TTC16: variants seen among roughly 807,000 people sequenced by gnomAD.
The protein encoded by TTC16 is tetratricopeptide repeat protein 16.
A neutral mutation model predicts 80.4 loss-of-function variants in TTC16; 66 were observed. That is an observed-to-expected ratio of 0.82 (90% CI 0.67 to 1.01). TTC16 has a LOEUF of 1.01. Among genes scored for constraint, TTC16 ranks in the 50% least tolerant of loss-of-function variants. The pLI is 0.00. For synonymous variants in TTC16, 438 were observed against 451.3 expected, an observed-to-expected ratio of 0.97 and a Z score of 0.37; for missense variants, 1,070 against 1,103.2, an observed-to-expected ratio of 0.97 and a Z score of 0.43.
Position 127,724,901 on chromosome 9 carries a change from C to T in TTC16, c.1259+4C>T, listed in dbSNP as rs189579012. On this transcript the variant is annotated splice_donor_region_variant and intron_variant, in intron 9 of 13. Coordinates refer to ENST00000373289, the MANE Select transcript of TTC16 (RefSeq NM_144965.3). ...GCTTCTGCGAGCAGAGGCGCAAGTG[C>T]GTGGGCTCCCGCCCCCACGGTGGGC... 9.9e-5 allele frequency: 150 copies of T among 1,512,880 alleles called. 1 individual carries two copies. The East Asian group carries it at 3.1e-3, about 32-fold the overall frequency. The allele number at this position is 1,512,880 out of a possible 1,614,324, so 93.7% of individuals were successfully genotyped here. A position where few individuals can be genotyped will look rare whatever the true frequency, so the allele number is the denominator to read the frequency against.
At chr9:127,725,335 C>T (rs894286226) in intron 9 of TTC16, among the ~76,000 whole-genome samples, 4 of 151,122 alleles carry the variant, frequency 2.6e-5, no homozygotes, top group African/African-American at 4.9e-5. Context: ...GAGGCCGAGG[C>T]GGGCGGATCA....
At chr9:127,727,700 C>A in intron 12 of TTC16, 1 of 773,184 alleles carries the variant, frequency 1.3e-6, no homozygotes, top group Non-Finnish European at 1.9e-6. Context: ...GGAGTCACAG[C>A]CCTGCTCATG....
intron 1 of TTC16, 180 bp downstream of exon 1, chr9:127,716,343 C>T: frequency 1.1e-6 from 1 of 914,270 alleles, no homozygotes; most frequent in Non-Finnish European, 1.7e-6. Flanking sequence ...TCGGCGGCTG[C>T]TTGGACAGAG....
rs1418661105 is a variant in TTC16, at chr9:127,716,166, G to A, written c.18+3G>A. The A allele has an allele frequency of 1.2e-6, 2 of 1,613,968 alleles. No homozygotes were observed. The highest frequency in any genetic ancestry group is 1.7e-6 in the Non-Finnish European group (2 of 1,180,006). ...GCCTCATGACAGATTCGGACGAGGT[G>A]CGGGCTTGGGAGAAGACTAACGCAA... On this transcript the variant is annotated splice_donor_region_variant and intron_variant, in intron 1 of 13. Coordinates refer to ENST00000373289, the MANE Select transcript of TTC16 (RefSeq NM_144965.3).
Position 127,716,999 on chromosome 9 carries a change from C to T in TTC16, c.174C>T (p.Pro58=). The T allele has an allele frequency of 6.2e-7, 1 of 1,613,368 alleles. No individual in the cohort carries two copies. Among genetic ancestry groups the T allele is most frequent in the Non-Finnish European group, 8.5e-7 (1 of 1,179,384 alleles). Reference sequence around the variant, plus strand: ...CAAAGGTCACAGGGTTAACAGTGCCCCTCAAAGTCAGGGAATAGTGAGTGA... The same window carrying T: ...CAAAGGTCACAGGGTTAACAGTGCCTCTCAAAGTCAGGGAATAGTGAGTGA... ...VKPKVTGLTV[P]LKVREYYSRG... The change falls in exon 2 of 14, where the codon CCC becomes CCT. Residue 58 remains proline, a synonymous_variant. Coordinates refer to ENST00000373289, the MANE Select transcript of TTC16 (RefSeq NM_144965.3).
rs376205443 is a variant in TTC16, at chr9:127,723,238, G to C, written c.777G>C (p.Gly259=). The C allele has an allele frequency of 1.2e-6, 2 of 1,612,772 alleles. No homozygotes were observed. The highest frequency in any genetic ancestry group is 1.7e-6 in the Non-Finnish European group (2 of 1,180,036). The change falls in exon 7 of 14, where the codon GGG becomes GGC. Residue 259 remains glycine (G), a synonymous_variant. Coordinates refer to ENST00000373289, the MANE Select transcript of TTC16 (RefSeq NM_144965.3). ...CCCAGCAGGCGCGCCAAGATGCGGG[G>C]ATCCTGGCTGTGCAGGGCAAGCTGC... ...AQAQQARQDA[G]ILAVQGKLQH... is the part of the protein sequence containing the mutation.
intron 4 of TTC16, 88 bp from the exon 5 acceptor site, chr9:127,719,990 C>T: frequency 1.8e-6 from 2 of 1,129,440 alleles, no homozygotes; most frequent in Middle Eastern, 2.2e-4. Context: ...TGTATCTCTC[C>T]CTCCTGCCTC....
chr9:127,724,021 G>T (rs1843701169), intron 7 of TTC16, 99 bp from the exon 8 acceptor site: 4 of 1,434,292 alleles, frequency 2.8e-6, no homozygotes, highest in East Asian at 2.5e-5. Context: ...TGGGTCAGGA[G>T]GCCCAGAGCC....
At chr9:127,717,243 C>T in intron 2 of TTC16, 91 bp from the exon 3 acceptor site, 1 of 1,360,282 alleles carries the variant, frequency 7.4e-7, no homozygotes, top group Non-Finnish European at 1.0e-6. Flanking sequence ...CACCCAGCTC[C>T]CTTGCTTCCC....
Position 127,716,750 on chromosome 9 carries a change from G to T in TTC16, c.19-94G>T, listed in dbSNP as rs1843050811. Reference sequence around the variant, plus strand: ...GTGCCTCCTTCCAGGCCTCATTTCCGCCTCTCCTCCCTCCCTGCAGAATGC... The same window carrying T: ...GTGCCTCCTTCCAGGCCTCATTTCCTCCTCTCCTCCCTCCCTGCAGAATGC... On this transcript the variant is annotated intron_variant, in intron 1 of 13. Coordinates refer to ENST00000373289, the MANE Select transcript of TTC16 (RefSeq NM_144965.3). 2.7e-6 allele frequency: 4 copies of T among 1,469,282 alleles called. No individual in the cohort carries two copies. The South Asian group carries it at 4.0e-5, about 15-fold the overall frequency. The allele number at this position is 1,469,282 out of a possible 1,614,324, so 91.0% of individuals were successfully genotyped here. A position where few individuals can be genotyped will look rare whatever the true frequency, so the allele number is the denominator to read the frequency against.
At position 127,731,130 on chromosome 9, in the gene TTC16, T is replaced by G; in HGVS notation, c.2347T>G (p.Trp783Gly). 1 of 1,611,324 alleles carries G rather than the reference T, an allele frequency of 6.2e-7. No homozygotes were observed. The highest frequency in any genetic ancestry group is 8.5e-7 in the Non-Finnish European group (1 of 1,179,326). The change falls in exon 14 of 14, where the codon TGG (tryptophan) becomes GGG (glycine). Residue 783 changes from tryptophan to glycine, a missense_variant. Physicochemically the swap from Trp to Gly is radical, Grantham distance 184. Transcript: ENST00000373289. ...GGTCAAGGCTGCTCGTGGCCGGAGC[T>G]GGAGACCCAGCAAGGTTGATGCCAC... ...RKVKAARGRSWRPSKVDATQG... is the reference protein window; with the variant it reads ...RKVKAARGRSGRPSKVDATQG...
intron 2 of TTC16, 107 bp from the exon 3 acceptor site, chr9:127,717,227 C>T (rs1270169016): frequency 1.0e-5 from 13 of 1,245,802 alleles, no homozygotes; most frequent in Admixed American, 1.9e-5. Flanking sequence ...ACTCCTCCTG[C>T]CTCTCCACCC....
In TTC16 at chr9:127,731,210, T is replaced by C. The variant is rs139834279; in HGVS notation, c.2427T>C (p.Tyr809=). The C allele has an allele frequency of 1.2e-6, 2 of 1,612,714 alleles. No individual in the cohort carries two copies. The highest frequency in any genetic ancestry group is 1.7e-6 in the Non-Finnish European group (2 of 1,179,838). The change falls in exon 14 of 14, where the codon TAT becomes TAC. Residue 809 remains tyrosine (Y), a synonymous_variant. Coordinates refer to ENST00000373289, the MANE Select transcript of TTC16 (RefSeq NM_144965.3). The part of the protein sequence containing the change: ...LRSSTKTEAF[Y]DSNWSLSKTE... ...GTTCCACCAAGACTGAGGCTTTCTA[T>C]GACTCAAACTGGAGCCTCAGCAAAA... is the stretch of plus-strand genomic sequence containing the variant.
At chr9:127,716,374 G>A (rs3802357) in intron 1 of TTC16, 292,331 of 687,024 alleles carry the variant, frequency 0.43, 64,194 homozygotes, top group Middle Eastern at 0.55. Flanking sequence ...TGGGTAGCTG[G>A]TGGGGAAGGT....
rs1201688672 is a variant in TTC16, at chr9:127,731,121, G to A, written c.2338G>A (p.Gly780Ser). 1 of 1,611,704 alleles carries A rather than the reference G, an allele frequency of 6.2e-7. No homozygotes were observed. The highest frequency in any genetic ancestry group is 1.7e-5 in the Admixed American group (1 of 59,786). The change falls in exon 14 of 14, where the codon GGC becomes AGC. Residue 780 changes from glycine (G) to serine (S), a missense_variant. Coordinates refer to ENST00000373289, the MANE Select transcript of TTC16 (RefSeq NM_144965.3). ...QRPRKVKAARGRSWRPSKVDA... is the reference protein window; with the variant it reads ...QRPRKVKAARSRSWRPSKVDA... ...GCCCAGAAAGGTCAAGGCTGCTCGT[G>A]GCCGGAGCTGGAGACCCAGCAAGGT...
chr9:127,721,426 T>C (rs1843499860), intron 6 of TTC16, among the ~76,000 whole-genome samples: 2 of 139,014 alleles, frequency 1.4e-5, no homozygotes, highest in African/African-American at 5.3e-5. Context: ...AAAGGAAGGA[T>C]CCAGAAGGGT....
chr9:127,727,487 G>T (rs899411149), intron 12 of TTC16, 22 bp downstream of exon 12: 31 of 1,551,460 alleles, frequency 2.0e-5, no homozygotes, highest in Non-Finnish European at 2.6e-5. Flanking sequence ...ACAGGCCAGG[G>T]CTCGGAGCCC....
intron 9 of TTC16, 100 bp downstream of exon 9, chr9:127,724,997 C>A: frequency 7.3e-7 from 1 of 1,369,390 alleles, no homozygotes; most frequent in Non-Finnish European, 9.6e-7. Flanking sequence ...AGCTGCTTCT[C>A]TCCTCGGGGG....
chr9:127,724,608 C>T (rs972557041), intron 8 of TTC16, 148 bp from the exon 9 acceptor site: 4 of 1,205,118 alleles, frequency 3.3e-6, no homozygotes, highest in African/African-American at 3.1e-5. Flanking sequence ...AGTGCCCAGA[C>T]GCCCAGAAAA....
Sources: gnomAD v4.1 joint callset for allele counts (sites outside exome capture counted in the v4.1 genomes callset) on GRCh38, gnomAD v4.1.1 for gene constraint, MANE v1.5 for transcripts, NCBI Gene and HGNC (gene_info 2026-07-23, HGNC 2026-07-21) for gene names.